CCSER1: variants seen among roughly 807,000 people sequenced by gnomAD.
CCSER1 encodes the protein coiled-coil serine rich protein 1.
CCSER1 carries 41 observed loss-of-function variants against 82.0 expected under a neutral mutation model. The observed-to-expected ratio is 0.50, with a 90% confidence interval of 0.39 to 0.65. CCSER1 has a LOEUF of 0.65. CCSER1 is among the 30% of genes least tolerant of loss of function. The pLI is 0.00. For missense variants in CCSER1, 1,119 were observed against 1,064.2 expected, an observed-to-expected ratio of 1.05 and a Z score of -0.72; for synonymous variants, 414 against 383.9, an observed-to-expected ratio of 1.08 and a Z score of -0.92.
chr4:91,584,108 T>G (rs970759740), intron 10 of CCSER1, among the ~76,000 whole-genome samples: 29 of 151,490 alleles, frequency 1.9e-4, no homozygotes, highest in African/African-American at 7.0e-4. Flanking sequence ...TCTTTATTCA[T>G]TTTTTGTTCA....
intron 10 of CCSER1, among the ~76,000 whole-genome samples, chr4:91,305,659 A>G (rs998273468): frequency 6.7e-6 from 1 of 149,418 alleles, no homozygotes; most frequent in African/African-American, 2.4e-5. Context: ...GTGTGTATGT[A>G]TGTGTGTGTG....
At chr4:90,309,862 C>T (rs144568390) in intron 2 of CCSER1, among the ~76,000 whole-genome samples, 95 of 152,168 alleles carry the variant, frequency 6.2e-4, no homozygotes, top group Non-Finnish European at 1.2e-4. Flanking sequence ...AACTAAGAAG[C>T]AGCCTCTTAG....
chr4:90,971,241 G>A (rs2150399173), intron 9 of CCSER1, among the ~76,000 whole-genome samples: 1 of 152,036 alleles, frequency 6.6e-6, no homozygotes, highest in Middle Eastern at 3.4e-3. Context: ...GAGGCCTCAG[G>A]AAACTTAGAA....
rs115637753 is a variant in CCSER1, at chr4:90,945,267, T to G, written c.2172+21820T>G. Among the ~76,000 whole-genome samples the G allele has an allele frequency of 7.8e-3, 1,191 of 152,244 alleles. 9 individuals are homozygous for G. Among genetic ancestry groups the G allele is most frequent in the African/African-American group, 0.028 (1,158 of 41,564 alleles). On this transcript the variant is annotated intron_variant, in intron 9 of 10. Coordinates refer to ENST00000509176, the MANE Select transcript of CCSER1 (RefSeq NM_001145065.2). The stretch of plus-strand genomic sequence containing the variant: ...TAAATTTATATATCATATTTTAAAT[T>G]AGAGGTATTTTTTAAAATTATTTTT...
chr4:90,966,302 T>C (rs1020978768), intron 9 of CCSER1, among the ~76,000 whole-genome samples: 1 of 151,910 alleles, frequency 6.6e-6, no homozygotes, highest in African/African-American at 2.4e-5. Context: ...TTTCAACACA[T>C]AGTAGTTGAA....
At chr4:91,292,092 G>T (rs967275103) in intron 10 of CCSER1, among the ~76,000 whole-genome samples, 6 of 151,972 alleles carry the variant, frequency 3.9e-5, no homozygotes, top group Non-Finnish European at 7.4e-5. Context: ...CTCTTGAAAG[G>T]CGAATAGAAG....
intron 10 of CCSER1, among the ~76,000 whole-genome samples, chr4:91,500,190 ATTG>A (rs1759134380): frequency 6.6e-6 from 1 of 151,920 alleles, no homozygotes; most frequent in East Asian, 1.9e-4. Flanking sequence ...GTAGTATCTC[ATTG>A]TTGTTTCAAT....
chr4:91,079,199 A>G (rs1000125115), intron 9 of CCSER1, among the ~76,000 whole-genome samples: 2 of 152,218 alleles, frequency 1.3e-5, no homozygotes, highest in African/African-American at 2.4e-5. Flanking sequence ...CCACAAAGGG[A>G]AGCCCATCAG....
At chr4:91,162,505 G>A (rs1731528078) in intron 10 of CCSER1, among the ~76,000 whole-genome samples, 1 of 152,150 alleles carries the variant, frequency 6.6e-6, no homozygotes, top group Non-Finnish European at 1.5e-5. Flanking sequence ...AGAAGGAATG[G>A]TACCAGCTCC....
chr4:90,695,453 T>A (rs1736832774), intron 6 of CCSER1, among the ~76,000 whole-genome samples: 3 of 151,982 alleles, frequency 2.0e-5, no homozygotes, highest in Admixed American at 2.0e-4. Context: ...CTGAAACAAA[T>A]CTTAAAAGCC....
chr4:91,133,394 C>T (rs1230158092), intron 10 of CCSER1, among the ~76,000 whole-genome samples: 1 of 152,018 alleles, frequency 6.6e-6, no homozygotes, highest in Non-Finnish European at 1.5e-5. Context: ...TTCATGAAGT[C>T]AGATATTGAT....
chr4:90,980,915 G>T (rs1016868047), intron 9 of CCSER1, among the ~76,000 whole-genome samples: 3 of 151,774 alleles, frequency 2.0e-5, no homozygotes, highest in African/African-American at 7.2e-5. Flanking sequence ...TTCCGGTAGC[G>T]CATGCTATTG....
intron 8 of CCSER1, among the ~76,000 whole-genome samples, chr4:90,923,066 T>A (rs1300021159): frequency 6.6e-6 from 1 of 152,132 alleles, no homozygotes; most frequent in Non-Finnish European, 1.5e-5. Context: ...TTTAAAAAGA[T>A]AACAGGAAAC....
Position 90,554,791 on chromosome 4 carries a change from G to A in CCSER1, c.1725-73234G>A, listed in dbSNP as rs28648820. ...CAGATTTGACTTCTCATCATACCTC[G>A]TTTTTAAGGGAGATATCTGAGAAGT... On this transcript the variant is annotated intron_variant, in intron 5 of 10. Coordinates refer to ENST00000509176, the MANE Select transcript of CCSER1 (RefSeq NM_001145065.2). Among the ~76,000 whole-genome samples, 1,401 of 152,208 alleles carry A rather than the reference G, an allele frequency of 9.2e-3. 18 individuals carry two copies. The highest frequency in any genetic ancestry group is 0.032 in the African/African-American group (1,329 of 41,514).
intron 10 of CCSER1, among the ~76,000 whole-genome samples, chr4:91,578,154 G>T (rs1763538451): frequency 6.6e-6 from 1 of 151,860 alleles, no homozygotes; most frequent in Admixed American, 6.6e-5. Context: ...GCTTTGCCAT[G>T]GTAATAAAGT....
intron 10 of CCSER1, among the ~76,000 whole-genome samples, chr4:91,353,932 TTAAC>T (rs1380004345): frequency 2.0e-5 from 3 of 152,330 alleles, no homozygotes; most frequent in African/African-American, 4.8e-5. Flanking sequence ...TGTTATATCT[TTAAC>T]TATATTTTCA....
intron 10 of CCSER1, among the ~76,000 whole-genome samples, chr4:91,475,058 A>G (rs1757510276): frequency 6.6e-6 from 1 of 151,768 alleles, no homozygotes; most frequent in Admixed American, 6.6e-5. Context: ...AGACAGTCTC[A>G]TATAAGAAAC....
chr4:91,152,822 T>C (rs748577639), intron 10 of CCSER1, among the ~76,000 whole-genome samples: 8 of 149,714 alleles, frequency 5.3e-5, no homozygotes, highest in Admixed American at 1.3e-4. Flanking sequence ...AAGATTCTTT[T>C]CTTTAAGAAT....
At chr4:90,765,129 G>C (rs1266944094) in intron 7 of CCSER1, among the ~76,000 whole-genome samples, 2 of 152,014 alleles carry the variant, frequency 1.3e-5, no homozygotes, top group African/African-American at 4.8e-5. Context: ...TAGCAAATAG[G>C]TCGCTAACTC....
Sources: gnomAD v4.1 joint callset for allele counts (sites outside exome capture counted in the v4.1 genomes callset) on GRCh38, gnomAD v4.1.1 for gene constraint, MANE v1.5 for transcripts, NCBI Gene and HGNC (gene_info 2026-07-23, HGNC 2026-07-21) for gene names.